The following WRAP53 variants were observed in gnomAD, a reference collection of about 807,000 sequenced individuals.
WRAP53 encodes WD repeat containing antisense to TP53.
Under a neutral mutation model 56.6 loss-of-function variants are expected in WRAP53, and 28 were observed. That is an observed-to-expected ratio of 0.50 (90% CI 0.37 to 0.68). The LOEUF is 0.68. Among genes scored for constraint, WRAP53 ranks in the 30% least tolerant of loss-of-function variants. WRAP53 has a pLI of 0.00. For synonymous variants in WRAP53, 283 were observed against 283.4 expected (o/e 1.00, Z 0.01); for missense variants, 671 against 715.5 (o/e 0.94, Z 0.71).
At position 7,689,315 on chromosome 17, in the gene WRAP53, T is replaced by TG; in HGVS notation, c.524dup (p.Cys175TrpfsTer2). The TG allele has an allele frequency of 1.2e-6, 2 of 1,614,068 alleles. No individual in the cohort carries two copies. The highest frequency in any genetic ancestry group is 1.7e-6 in the Non-Finnish European group (2 of 1,180,006). ...CCAACCTGAGAACTTCTTGAAAGGC[T>TG]GTAAGTGGTAAGGATAACAACGGGG... is the stretch of plus-strand genomic sequence containing the variant. On this transcript the variant is annotated frameshift_variant, in exon 3 of 11. Transcript: ENST00000396463. LOFTEE classifies it high-confidence loss of function.
At position 7,701,860 on chromosome 17, in the gene WRAP53, G is replaced by A; in HGVS notation, c.955+71G>A. The A allele has an allele frequency of 1.3e-6, 2 of 1,568,056 alleles. No individual in the cohort carries two copies. Among genetic ancestry groups the A allele is most frequent in the Non-Finnish European group, 1.7e-6 (2 of 1,157,882 alleles). On this transcript the variant is annotated intron_variant, in intron 7 of 10. Coordinates refer to ENST00000396463, the MANE Select transcript of WRAP53 (RefSeq NM_001143992.2). The surrounding 1 kb of genome is among the most constrained non-coding windows in gnomAD (Gnocchi z 4.2). ...CCACCTGCACAGGGGCCTTTTGTGAGCCGGGGGCCACCTGTGGGGGTTCAC... is the reference window on the plus strand; with the variant it reads ...CCACCTGCACAGGGGCCTTTTGTGAACCGGGGGCCACCTGTGGGGGTTCAC...
At chr17:7,695,025 T>C (rs951498731) in intron 4 of WRAP53, among the ~76,000 whole-genome samples, 8 of 151,902 alleles carry the variant, frequency 5.3e-5, no homozygotes, top group Non-Finnish European at 1.0e-4. Flanking sequence ...CGATCTCAGC[T>C]CACTGCAAGC....
chr17:7,691,633 G>A (rs1452788647), intron 4 of WRAP53, among the ~76,000 whole-genome samples: 1 of 151,714 alleles, frequency 6.6e-6, no homozygotes, highest in Non-Finnish European at 1.5e-5. Context: ...CATTTGATCC[G>A]CCGGTCTCGG....
intron 5 of WRAP53, 26 bp downstream of exon 5, chr17:7,700,855 G>T (rs773235897): frequency 9.0e-6 from 14 of 1,553,564 alleles, no homozygotes; most frequent in Non-Finnish European, 1.2e-5. Flanking sequence ...CTCCCTGCTC[G>T]CCGCCCCACC....
In WRAP53 at chr17:7,700,746, T is replaced by C; in HGVS notation, c.648T>C (p.Pro216=). Residue 216 remains proline, a synonymous_variant, in exon 5 of 11, where the codon CCT becomes CCC. Transcript: ENST00000396463. ...GEQVEYAEMV[P]VLRMVEGDTI... ...ATTCCCCCGTCTCTGTATAGGTCCC[T>C]GTCCTTCGAATGGTGGAAGGTGATA... The C allele has an allele frequency of 6.2e-7, 1 of 1,611,796 alleles. No individual in the cohort carries two copies. Among genetic ancestry groups the C allele is most frequent in the Non-Finnish European group, 8.5e-7 (1 of 1,178,292 alleles).
chr17:7,697,354 GAAGAA>G (rs1419892993), intron 4 of WRAP53, among the ~76,000 whole-genome samples: 1 of 148,542 alleles, frequency 6.7e-6, no homozygotes, highest in African/African-American at 2.5e-5. Flanking sequence ...AGAAAAAAGA[GAAGAA>G]AAGAAAAAGA....
chr17:7,688,177 C>T (rs1597401919), upstream of WRAP53: 1 of 185,002 alleles, frequency 5.4e-6, no homozygotes. Context: ...AGACCTGCTG[C>T]GCCCTCTGCA....
At chr17:7,691,855 G>A (rs2074114912) in intron 4 of WRAP53, among the ~76,000 whole-genome samples, 1 of 150,154 alleles carries the variant, frequency 6.7e-6, no homozygotes, top group African/African-American at 2.5e-5. Flanking sequence ...TTGTTTGTTT[G>A]AGACAGAGTC....
chr17:7,694,012 G>T (rs1270217416), intron 4 of WRAP53, among the ~76,000 whole-genome samples: 1 of 152,098 alleles, frequency 6.6e-6, no homozygotes, highest in Non-Finnish European at 1.5e-5. Flanking sequence ...GTCAGGCCTG[G>T]TGGCTCACGC....
intron 4 of WRAP53, among the ~76,000 whole-genome samples, chr17:7,699,472 A>T (rs1382703983): frequency 4.4e-4 from 6 of 13,692 alleles, no homozygotes; most frequent in African/African-American, 2.2e-3. Context: ...ATATATATAT[A>T]TATTTATATA....
chr17:7,687,298 G>T, upstream of WRAP53: 1 of 397,320 alleles, frequency 2.5e-6, no homozygotes, highest in South Asian at 1.3e-4. Flanking sequence ...CAGCCCCAGC[G>T]ATTTTCCCGA....
intron 4 of WRAP53, among the ~76,000 whole-genome samples, chr17:7,692,423 C>A (rs2074123645): frequency 6.6e-6 from 1 of 151,250 alleles, no homozygotes; most frequent in Non-Finnish European, 1.5e-5. Context: ...AGTTCGAGAC[C>A]AGCCTGGCCA....
intron 4 of WRAP53, among the ~76,000 whole-genome samples, chr17:7,699,522 T>TATTTATATATATATATATATATATATATA (rs1567577715): frequency 7.1e-5 from 1 of 14,100 alleles, no homozygotes; most frequent in South Asian, 2.1e-3. Context: ...ATATATATAT[T>TATTTATATATATATATATATATATATATA]TATATATATA....
At position 7,702,387 on chromosome 17, in the gene WRAP53, C is replaced by G; in HGVS notation, c.999C>G (p.Phe333Leu). ...GCGGCATCATCTCCTGCATAGCCTT[C>G]AGCCCAGCCCAGCCCCTCTATGCCT... ...GQSGIISCIA[F>L]SPAQPLYACG... The change falls in exon 8 of 11, where the codon TTC (phenylalanine) becomes TTG (leucine). Residue 333 changes from phenylalanine to leucine, a missense_variant. Phe to Leu is a conservative substitution (Grantham distance 22). This residue lies in a region of WRAP53 where 158 missense variants were observed against 215.7 expected (regional missense o/e 0.73). Coordinates refer to ENST00000396463, the MANE Select transcript of WRAP53 (RefSeq NM_001143992.2). This position sits in a 1 kb window ranked among gnomAD's most constrained non-coding sequence, Gnocchi z 5.0. 1 of 1,614,190 alleles carries G rather than the reference C, an allele frequency of 6.2e-7. No homozygotes were observed. Among genetic ancestry groups the G allele is most frequent in the Non-Finnish European group, 8.5e-7 (1 of 1,180,028 alleles).
Position 7,688,776 on chromosome 17 carries a change from C to G in WRAP53, c.128C>G (p.Pro43Arg). Reference sequence around the variant, plus strand: ...AATGCGGACTCTGAACTGATGCCACCGCCTCCCGAAAGGGGGGATCCGCCC... The same window carrying G: ...AATGCGGACTCTGAACTGATGCCACGGCCTCCCGAAAGGGGGGATCCGCCC... ...NKNADSELMP[P>R]PPERGDPPRL... is the part of the protein sequence containing the mutation. The change falls in exon 2 of 11, where the codon CCG (proline) becomes CGG (arginine). Residue 43 changes from proline to arginine, a missense_variant. This residue lies in a region of WRAP53 where 406 missense variants were observed against 418.5 expected (regional missense o/e 0.97). Transcript: ENST00000396463. The G allele has an allele frequency of 6.2e-7, 1 of 1,614,218 alleles. No individual in the cohort carries two copies. The highest frequency in any genetic ancestry group is 8.5e-7 in the Non-Finnish European group (1 of 1,180,048).
chr17:7,689,442 C>T, intron 3 of WRAP53, 120 bp downstream of exon 3: 1 of 1,274,744 alleles, frequency 7.8e-7, no homozygotes, highest in East Asian at 2.3e-5. Context: ...CCCTTTTAGA[C>T]TGAGCTTACA....
upstream of WRAP53, chr17:7,686,622 T>C (rs2073984822): frequency 6.6e-6 from 1 of 152,220 alleles, no homozygotes; most frequent in South Asian, 2.1e-4. Flanking sequence ...TCCCCTCTCA[T>C]CGGGTGAATA....
intron 4 of WRAP53, among the ~76,000 whole-genome samples, chr17:7,694,245 T>TC (rs1039409551): frequency 1.2e-4 from 13 of 106,314 alleles, no homozygotes; most frequent in South Asian, 3.7e-4. Context: ...TTTCTTTCTT[T>TC]TTTTTTTTTT....
Position 7,701,442 on chromosome 17 carries a change from G to A in WRAP53, c.732-17G>A, listed in dbSNP as rs1465813158. 6.2e-7 allele frequency: 1 copy of A among 1,613,962 alleles called. No homozygotes were observed. Among genetic ancestry groups the A allele is most frequent in the African/African-American group, 1.3e-5 (1 of 74,932 alleles). On this transcript the variant is annotated splice_polypyrimidine_tract_variant and intron_variant, in intron 5 of 10. Coordinates refer to ENST00000396463, the MANE Select transcript of WRAP53 (RefSeq NM_001143992.2). This position sits in a 1 kb window ranked among gnomAD's most constrained non-coding sequence, Gnocchi z 4.2. ...CCTTTGACAGCACCGGGGTTTCAGTGTCCATGTCTCTCTCAGCGTGGCCAG... is the reference window on the plus strand; with the variant it reads ...CCTTTGACAGCACCGGGGTTTCAGTATCCATGTCTCTCTCAGCGTGGCCAG...
Sources: allele counts gnomAD v4.1 joint callset (sites outside exome capture counted in the v4.1 genomes callset), GRCh38; gene constraint gnomAD v4.1.1; regional missense constraint gnomAD v4.1.1; non-coding constraint Gnocchi (gnomAD v3.1); transcripts MANE v1.5; gene names NCBI Gene and HGNC (gene_info 2026-07-23, HGNC 2026-07-21).